Variants in MFAP3L observed in about 807,000 individuals in gnomAD.
The protein encoded by MFAP3L is microfibril associated protein 3 like.
MFAP3L carries 5 observed loss-of-function variants against 20.0 expected under a neutral mutation model. That is an observed-to-expected ratio of 0.25 (90% confidence interval 0.13 to 0.53). The LOEUF is 0.53. MFAP3L is among the 20% of genes least tolerant of loss of function. The pLI, the probability that MFAP3L is intolerant of heterozygous loss-of-function variation, is 0.96. For synonymous variants in MFAP3L, 219 were observed against 213.0 expected (o/e 1.03, Z -0.25); for missense variants, 409 against 527.5 (o/e 0.78, Z 2.20).
At chr4:170,021,369 C>T (rs758695889) in intron 1 of MFAP3L, among the ~76,000 whole-genome samples, 10 of 152,174 alleles carry the variant, frequency 6.6e-5, no homozygotes, top group African/African-American at 9.6e-5. Flanking sequence ...GATTTAAGAG[C>T]GAGGGAATGG....
rs1227048553 is a variant in MFAP3L at position 169,991,884 on chromosome 4, G to A, written c.724C>T (p.Pro242Ser). ...CAGTTCATAATGAGAGGCGGCAGAGGCACGCTCCTGGCAAGCTCTTCGATG... is the reference window on the plus strand; with the variant it reads ...CAGTTCATAATGAGAGGCGGCAGAGACACGCTCCTGGCAAGCTCTTCGATG... ...RYIEELARSV[P>S]LPPLIMNCRT... is the part of the protein sequence containing the mutation. Residue 242 changes from proline to serine, a missense_variant, in exon 3 of 3, where the codon CCT becomes TCT. By Grantham distance (74) the Pro-to-Ser change is moderately conservative. Coordinates refer to ENST00000361618, the MANE Select transcript of MFAP3L (RefSeq NM_021647.8). The surrounding 1 kb of genome is among the most constrained non-coding windows in gnomAD (Gnocchi z 4.9). 6.2e-7 allele frequency: 1 copy of A among 1,614,040 alleles called. No individual in the cohort carries two copies. Among genetic ancestry groups the A allele is most frequent in the African/African-American group, 1.3e-5 (1 of 74,910 alleles).
chr4:170,012,094 G>C (rs1739419811), intron 1 of MFAP3L, among the ~76,000 whole-genome samples: 2 of 152,134 alleles, frequency 1.3e-5, no homozygotes, highest in African/African-American at 4.8e-5. Flanking sequence ...AAGGAGAAGT[G>C]ACAGGGCTAG....
intron 1 of MFAP3L, among the ~76,000 whole-genome samples, chr4:170,011,001 G>C (rs978693279): frequency 6.6e-6 from 1 of 152,124 alleles, no homozygotes; most frequent in Non-Finnish European, 1.5e-5. Flanking sequence ...TCATGGGGGT[G>C]GTTTCCACCA....
rs1005728609 is a variant in MFAP3L, at chr4:169,991,412, T to C, written c.1196A>G (p.Lys399Arg). The C allele has an allele frequency of 6.2e-6, 10 of 1,614,098 alleles. 1 individual carries two copies. The highest frequency in any genetic ancestry group is 4.5e-5 in the East Asian group (2 of 44,876). Residue 399 changes from lysine (K) to arginine (R), a missense_variant, in exon 3 of 3, where the codon AAA becomes AGA. Physicochemically the swap from Lys to Arg is conservative, Grantham distance 26 (BLOSUM62 2). This residue lies in a region of MFAP3L where 169 missense variants were observed against 178.2 expected (regional missense o/e 0.95). Transcript: ENST00000361618. The surrounding 1 kb of genome is among the most constrained non-coding windows in gnomAD (Gnocchi z 4.9). ...EATEPAVTHD[K>R]NTCIIYESHV The stretch of plus-strand genomic sequence containing the variant: ...GCTTTCGTAAATAATGCAGGTGTTT[T>C]TGTCATGTGTCACTGCTGGCTCTGT...
At chr4:170,018,454 T>C (rs1448581744) in intron 1 of MFAP3L, among the ~76,000 whole-genome samples, 1 of 152,144 alleles carries the variant, frequency 6.6e-6, no homozygotes, top group Non-Finnish European at 1.5e-5. Context: ...CTTTGGAACA[T>C]TTGATCCACT....
Position 170,005,441 on chromosome 4 carries a change from T to C in MFAP3L, c.298+139A>G, listed in dbSNP as rs766778216. The C allele has an allele frequency of 1.8e-5, 17 of 962,954 alleles. 1 individual carries two copies. The South Asian group carries it at 2.6e-4, about 15-fold the overall frequency. The allele number at this position is 962,954 out of a possible 1,614,324, so 59.7% of individuals were successfully genotyped here. A position where few individuals can be genotyped will look rare whatever the true frequency, so the allele number is the denominator to read the frequency against. On this transcript the variant is annotated intron_variant, in intron 2 of 2. Coordinates refer to ENST00000361618, the MANE Select transcript of MFAP3L (RefSeq NM_021647.8). ...GCTTCTTTGAATCCTTAAGGATATA[T>C]ATTCTCTCCTGCCTTAGAAAAACAA...
chr4:170,006,412 C>G (rs2111006332), intron 1 of MFAP3L, among the ~76,000 whole-genome samples: 1 of 152,266 alleles, frequency 6.6e-6, no homozygotes, highest in Non-Finnish European at 1.5e-5. Flanking sequence ...CGCACCCGGC[C>G]AAACCTACAT....
chr4:170,010,542 T>A lies in MFAP3L; in HGVS notation c.-133-4532A>T, dbSNP rs571579867. Among the ~76,000 whole-genome samples, 179 of 152,172 alleles carry A rather than the reference T, an allele frequency of 1.2e-3. 3 individuals carry two copies. Among genetic ancestry groups the A allele is most frequent in the Non-Finnish European group, 2.1e-3 (146 of 68,022 alleles). On this transcript the variant is annotated intron_variant, in intron 1 of 2. Transcript: ENST00000361618. Reference sequence around the variant, plus strand: ...CCCCTCCTCCTCAGTCTACTCAACTTGAAGATGGCGAGGCTGAAGACATTT... The same window carrying A: ...CCCCTCCTCCTCAGTCTACTCAACTAGAAGATGGCGAGGCTGAAGACATTT...
intron 2 of MFAP3L, 112 bp downstream of exon 2, chr4:170,005,468 A>T: frequency 2.5e-6 from 3 of 1,209,584 alleles, no homozygotes; most frequent in Non-Finnish European, 3.5e-6. Flanking sequence ...GAAAAACAAG[A>T]CAAGATGAGA....
At chr4:170,000,666 A>G (rs1006333591) in intron 2 of MFAP3L, among the ~76,000 whole-genome samples, 1 of 152,192 alleles carries the variant, frequency 6.6e-6, no homozygotes, top group Non-Finnish European at 1.5e-5. Context: ...TCATAATTAC[A>G]TATTTTCCAA....
chr4:170,001,935 A>C (rs1738651685), intron 2 of MFAP3L: 1 of 985,306 alleles, frequency 1.0e-6, no homozygotes, highest in Non-Finnish European at 1.2e-6. Flanking sequence ...CTGGGCCTGG[A>C]GGGGCTGGCA....
At position 169,987,147 on chromosome 4, in the gene MFAP3L, A is replaced by G. The variant is rs1737332775; in HGVS notation, c.*4231T>C. ...ATATAATAAGCAATTGTTTTATTTG[A>G]TTTTTCCCCCACAATTGATTTGTGT... On this transcript the variant is annotated 3_prime_UTR_variant, in exon 3 of 3. Coordinates refer to ENST00000361618, the MANE Select transcript of MFAP3L (RefSeq NM_021647.8). 1 of 152,112 alleles carries G rather than the reference A, an allele frequency of 6.6e-6. No homozygotes were observed. The highest frequency in any genetic ancestry group is 2.1e-4 in the South Asian group (1 of 4,832). The allele number at this position is 152,112 out of a possible 1,614,324, so 9.4% of individuals were successfully genotyped here.
chr4:170,011,228 T>C (rs140868428), intron 1 of MFAP3L, among the ~76,000 whole-genome samples: 2 of 152,320 alleles, frequency 1.3e-5, no homozygotes, highest in African/African-American at 4.8e-5. Flanking sequence ...ATGTCTTTAT[T>C]AGCAGCATGA....
chr4:170,005,945 ACT>A lies in MFAP3L; in HGVS notation c.-70_-69del, dbSNP rs1739005023. The A allele has an allele frequency of 1.9e-6, 3 of 1,546,950 alleles. No homozygotes were observed. The highest frequency in any genetic ancestry group is 2.6e-6 in the Non-Finnish European group (3 of 1,145,268). On this transcript the variant is annotated 5_prime_UTR_variant, in exon 2 of 3. An upstream open reading frame in the 5' UTR loses its in-frame stop. Coordinates refer to ENST00000361618, the MANE Select transcript of MFAP3L (RefSeq NM_021647.8). The stretch of plus-strand genomic sequence containing the variant: ...AACCGAATCTTCTATCAGACAACAC[ACT>A]GTTCACAGCAGGTCATGGGACAAAC...
chr4:170,010,469 C>T (rs190691722), intron 1 of MFAP3L, among the ~76,000 whole-genome samples: 78 of 152,176 alleles, frequency 5.1e-4, no homozygotes, highest in Middle Eastern at 3.4e-3. Context: ...GCCTCTCCTT[C>T]CCCCTCTTCC....
rs1738999744 is a variant in MFAP3L at position 170,005,868 on chromosome 4, A to G, written c.10T>C (p.Leu4=). The change falls in exon 2 of 3, where the codon TTG becomes CTG. Residue 4 remains leucine (L), a synonymous_variant. Coordinates refer to ENST00000361618, the MANE Select transcript of MFAP3L (RefSeq NM_021647.8). MDR[L]KSHLTVCFLP... is the part of the protein sequence containing the mutation. ...AAGCACACAGTCAGATGGCTCTTCA[A>G]TCGATCCATCTTCTTTGCTTGCTCT... The G allele has an allele frequency of 6.2e-7, 1 of 1,613,422 alleles. No homozygotes were observed. The highest frequency in any genetic ancestry group is 8.5e-7 in the Non-Finnish European group (1 of 1,179,418).
intron 2 of MFAP3L, chr4:169,993,873 A>C (rs1581449710): frequency 2.0e-5 from 3 of 152,356 alleles, no homozygotes; most frequent in East Asian, 3.9e-4. Context: ...GCTTCTTGTG[A>C]ATGTGTATGA....
At chr4:170,024,197 A>G (rs946328754) in intron 1 of MFAP3L, among the ~76,000 whole-genome samples, 2 of 152,214 alleles carry the variant, frequency 1.3e-5, no homozygotes, top group Non-Finnish European at 2.9e-5. Flanking sequence ...GGTTAGGGAA[A>G]TGTGGACTTT....
At chr4:169,994,190 T>C (rs1253249923) in intron 2 of MFAP3L, 2 of 985,310 alleles carry the variant, frequency 2.0e-6, no homozygotes, top group Non-Finnish European at 2.4e-6. Context: ...TAGTTTCTCA[T>C]ATTTACCTTC....
Sources: allele counts gnomAD v4.1 joint callset (sites outside exome capture counted in the v4.1 genomes callset), GRCh38; gene constraint gnomAD v4.1.1; regional missense constraint gnomAD v4.1.1; non-coding constraint Gnocchi (gnomAD v3.1); transcripts MANE v1.5; gene names NCBI Gene and HGNC (gene_info 2026-07-23, HGNC 2026-07-21).